The following NIPBL variants were observed in gnomAD, a reference collection of about 807,000 sequenced individuals.
NIPBL encodes the protein NIPBL cohesin loading factor, also known as nipped-B-like protein.
NIPBL carries 19 observed loss-of-function variants against 321.8 expected under a neutral mutation model. That is an observed-to-expected ratio of 0.06 (90% confidence interval 0.04 to 0.09). The LOEUF (loss-of-function observed/expected upper bound fraction) is 0.09, where lower values mean the gene tolerates loss of function less well. Among genes scored for constraint, NIPBL ranks in the 10% least tolerant of loss-of-function variants. The pLI, the probability that NIPBL is intolerant of heterozygous loss-of-function variation, is 1.00. For missense variants in NIPBL, 2,210 were observed against 3,327.0 expected (o/e 0.66, Z 8.26); for synonymous variants, 1,106 against 1,114.1 (o/e 0.99, Z 0.14).
intron 15 of NIPBL, 60 bp from the exon 16 acceptor site, chr5:37,003,201 T>G: frequency 1.0e-6 from 1 of 975,598 alleles, no homozygotes; most frequent in South Asian, 1.3e-5. Flanking sequence ...TACAGATTGT[T>G]TCTTGAATAA....
chr5:36,923,963 T>C (rs1749155382), intron 1 of NIPBL, among the ~76,000 whole-genome samples: 1 of 152,210 alleles, frequency 6.6e-6, no homozygotes, highest in Admixed American at 6.5e-5. Context: ...TTCCAAGTTA[T>C]CTGTATTCTA....
chr5:36,975,527 T>G (rs1054044431), intron 8 of NIPBL, among the ~76,000 whole-genome samples: 4 of 152,122 alleles, frequency 2.6e-5, no homozygotes, highest in Admixed American at 6.6e-5. Context: ...GAAATAATAC[T>G]GGTCTGAAAA....
chr5:37,022,677 T>C (rs897511850), intron 29 of NIPBL, among the ~76,000 whole-genome samples: 2 of 152,180 alleles, frequency 1.3e-5, no homozygotes, highest in African/African-American at 2.4e-5. Flanking sequence ...CATGGGGTAG[T>C]TAAATGTTTT....
chr5:37,041,020 A>G (rs942537226), intron 34 of NIPBL, among the ~76,000 whole-genome samples: 1 of 151,726 alleles, frequency 6.6e-6, no homozygotes, highest in African/African-American at 2.4e-5. Context: ...TTACCTTTGA[A>G]TAATAGGCTT....
At chr5:37,033,685 T>TACAC (rs372949399) in intron 32 of NIPBL, among the ~76,000 whole-genome samples, 4,308 of 64,074 alleles carry the variant, frequency 0.067, 309 homozygotes, top group East Asian at 0.16. Context: ...TATATGTACA[T>TACAC]ACACACACAC....
intron 1 of NIPBL, among the ~76,000 whole-genome samples, chr5:36,896,171 A>G (rs559400933): frequency 6.6e-6 from 1 of 152,328 alleles, no homozygotes; most frequent in African/African-American, 2.4e-5. Flanking sequence ...TTCCATTACC[A>G]TTTGTTGAAA....
At chr5:36,967,030 A>G (rs1742285183) in intron 6 of NIPBL, among the ~76,000 whole-genome samples, 1 of 152,022 alleles carries the variant, frequency 6.6e-6, no homozygotes, top group African/African-American at 2.4e-5. Context: ...TAAAACAAAT[A>G]TGGGGGATAT....
intron 42 of NIPBL, among the ~76,000 whole-genome samples, chr5:37,053,053 G>A (rs1753737321): frequency 6.6e-6 from 1 of 152,156 alleles, no homozygotes. Flanking sequence ...CCCAGTGGAT[G>A]CATGAAACCA....
At chr5:36,974,635 G>A (rs974954240) in intron 8 of NIPBL, among the ~76,000 whole-genome samples, 1 of 152,014 alleles carries the variant, frequency 6.6e-6, no homozygotes, top group African/African-American at 2.4e-5. Context: ...CAAAATGTTA[G>A]ACTAACATTT....
At chr5:36,974,409 T>C (rs1743214788) in intron 8 of NIPBL, among the ~76,000 whole-genome samples, 1 of 152,168 alleles carries the variant, frequency 6.6e-6, no homozygotes, top group Non-Finnish European at 1.5e-5. Flanking sequence ...ATTTGCCACA[T>C]AGAATTTAAA....
chr5:36,922,845 C>G (rs535298374), intron 1 of NIPBL, among the ~76,000 whole-genome samples: 2 of 152,090 alleles, frequency 1.3e-5, no homozygotes, highest in Non-Finnish European at 2.9e-5. Context: ...TTTACCTTAC[C>G]TTTGATAAAG....
intron 1 of NIPBL, among the ~76,000 whole-genome samples, chr5:36,921,417 C>T (rs1309635304): frequency 6.6e-6 from 1 of 152,172 alleles, no homozygotes; most frequent in Non-Finnish European, 1.5e-5. Flanking sequence ...GTACTGTCTT[C>T]ACTTGGAACT....
rs145163048 is a variant in NIPBL at position 36,927,042 on chromosome 5, A to G, written c.-79-26576A>G. Among the ~76,000 whole-genome samples the G allele has an allele frequency of 1.4e-3, 214 of 152,328 alleles. 4 individuals carry two copies. Among genetic ancestry groups the G allele is most frequent in the East Asian group, 0.013 (67 of 5,186 alleles). ...AGTTGGTTTTGTTGACGTTAGAACT[A>G]TAAACACTTTTTCCTATAAATATGT... On this transcript the variant is annotated intron_variant, in intron 1 of 46. Transcript: ENST00000282516.
chr5:37,036,882 T>C (rs1459083617), intron 33 of NIPBL, among the ~76,000 whole-genome samples: 1 of 152,034 alleles, frequency 6.6e-6, no homozygotes, highest in South Asian at 2.1e-4. Context: ...TTAGCTATTA[T>C]AAAAATGTTT....
chr5:37,044,214 C>T lies in NIPBL; in HGVS notation c.6109-133C>T, dbSNP rs569159271. The T allele has an allele frequency of 1.6e-4, 117 of 734,532 alleles. No homozygotes were observed. The African/African-American group carries it at 1.8e-3, about 11-fold the overall frequency. The allele number at this position is 734,532 out of a possible 1,614,324, so 45.5% of individuals were successfully genotyped here. A position where few individuals can be genotyped will look rare whatever the true frequency, so the allele number is the denominator to read the frequency against. ...CTCCTTCCATACCTTGAAAAAAAAA[C>T]TCTAACAGACTTTTTTTTTTAACTG... On this transcript the variant is annotated intron_variant, in intron 34 of 46. Coordinates refer to ENST00000282516, the MANE Select transcript of NIPBL (RefSeq NM_133433.4).
At chr5:37,054,294 C>CA (rs2149745251) in intron 42 of NIPBL, among the ~76,000 whole-genome samples, 1 of 152,022 alleles carries the variant, frequency 6.6e-6, no homozygotes, top group Admixed American at 6.5e-5. Context: ...TACCATAGTG[C>CA]AGATATCTTA....
chr5:36,881,155 C>A (rs1745472879), intron 1 of NIPBL, among the ~76,000 whole-genome samples: 1 of 151,876 alleles, frequency 6.6e-6, no homozygotes, highest in African/African-American at 2.4e-5. Flanking sequence ...TTTAGTGTTT[C>A]TGGTTGATTT....
chr5:36,986,484 T>TG (rs1046077495), intron 10 of NIPBL, among the ~76,000 whole-genome samples, 183 bp downstream of exon 10: 2 of 152,154 alleles, frequency 1.3e-5, no homozygotes, highest in African/African-American at 4.8e-5. Context: ...AATTTTTTTT[T>TG]CCCCACAGTT....
intron 1 of NIPBL, among the ~76,000 whole-genome samples, chr5:36,951,392 GTTAC>G (rs1465966888): frequency 6.6e-6 from 1 of 152,154 alleles, no homozygotes; most frequent in African/African-American, 2.4e-5. Context: ...ACAGTCATTT[GTTAC>G]TTAATCTGCT....
Sources: gnomAD v4.1 joint callset for allele counts (sites outside exome capture counted in the v4.1 genomes callset) on GRCh38, gnomAD v4.1.1 for gene constraint, MANE v1.5 for transcripts, NCBI Gene and HGNC (gene_info 2026-07-23, HGNC 2026-07-21) for gene names.